PDIA6: variants seen among roughly 807,000 people sequenced by gnomAD.
PDIA6 encodes the protein protein disulfide isomerase family A member 6, also known as protein disulfide-isomerase A6.
In PDIA6, 29 loss-of-function variants were observed where a neutral mutation model predicts 58.4. The ratio of observed to expected loss-of-function variants is 0.50; its 90% confidence interval spans 0.37 to 0.68. The LOEUF (loss-of-function observed/expected upper bound fraction) is 0.68, where lower values mean the gene tolerates loss of function less well. Ranked by LOEUF, PDIA6 falls within the 30% of genes least tolerant of loss-of-function variation. PDIA6 has a pLI of 0.00. For synonymous variants in PDIA6, 192 were observed against 202.6 expected, an observed-to-expected ratio of 0.95 and a Z score of 0.44; for missense variants, 480 against 551.0, an observed-to-expected ratio of 0.87 and a Z score of 1.29.
At chr2:10,814,837 G>A (rs949994607), upstream of PDIA6, among the ~76,000 whole-genome samples, 4 of 152,220 alleles carry the variant, frequency 2.6e-5, no homozygotes, top group Non-Finnish European at 5.9e-5. Flanking sequence ...GGCCTGCTGT[G>A]TTTGGGTAGC....
chr2:10,800,073 A>C (rs933434894), intron 2 of PDIA6, among the ~76,000 whole-genome samples: 3 of 152,220 alleles, frequency 2.0e-5, no homozygotes, highest in Non-Finnish European at 4.4e-5. Context: ...CTCCACAGTC[A>C]ATTATTGTGA....
intron 1 of PDIA6, chr2:10,810,470 C>T: frequency 1.5e-6 from 2 of 1,330,120 alleles, no homozygotes; most frequent in Non-Finnish European, 1.9e-6. Flanking sequence ...AATGTCCTTC[C>T]CTTTCCGTAT....
chr2:10,833,473 A>G (rs1216198703), upstream of PDIA6, among the ~76,000 whole-genome samples: 1 of 152,166 alleles, frequency 6.6e-6, no homozygotes, highest in Non-Finnish European at 1.5e-5. Context: ...TGGGGTAATA[A>G]GCCTCACAGC....
Position 10,783,437 on chromosome 2 carries a change from C to T in PDIA6, c.*821G>A, listed in dbSNP as rs559009388. ...TTTTTAAGTTACAATAAAATGCTCT[C>T]AAGTCCTTTGAATGTTCCAACAAAT... On this transcript the variant is annotated 3_prime_UTR_variant, in exon 13 of 13. Transcript: ENST00000272227. The T allele has an allele frequency of 1.2e-5, 6 of 500,792 alleles. No individual in the cohort carries two copies. The highest frequency in any genetic ancestry group is 2.1e-5 in the Non-Finnish European group (6 of 282,810). 31.0% of individuals were successfully genotyped at this position (500,792 alleles called of 1,614,324 possible). A position where few individuals can be genotyped will look rare whatever the true frequency, so the allele number is the denominator to read the frequency against.
chr2:10,821,927 T>C lies in PDIA6; in HGVS notation c.-47-2573A>G, dbSNP rs551543772. On this transcript the variant is annotated intron_variant, in intron 1 of 13. Coordinates refer to the PDIA6 transcript ENST00000381611. ...GCTTGAGCCACCACACCCAGCCTTA[T>C]ATAAACGATTTTTAAAATTAAAAAA... is the stretch of plus-strand genomic sequence containing the variant. 2.1e-5 allele frequency among the ~76,000 whole-genome samples: 3 copies of C among 144,894 alleles called. No individual in the cohort carries two copies. The South Asian group carries it at 6.9e-4, about 33-fold the overall frequency.
chr2:10,836,982 T>A (rs1667843721), upstream of PDIA6, among the ~76,000 whole-genome samples: 9 of 152,174 alleles, frequency 5.9e-5, no homozygotes, highest in Admixed American at 5.9e-4. Flanking sequence ...TTCTGTTTCA[T>A]TCTCATTCAT....
rs1016435371 is a variant in PDIA6 at position 10,784,977 on chromosome 2, G to C, written c.1211C>G (p.Pro404Arg). 7 of 1,592,312 alleles carry C rather than the reference G, an allele frequency of 4.4e-6. No individual in the cohort carries two copies. The African/African-American group carries it at 9.4e-5, about 21-fold the overall frequency. The change falls in exon 12 of 13, where the codon CCT becomes CGT. Residue 404 changes from proline to arginine, a missense_variant. By Grantham distance (103) the Pro-to-Arg change is moderately radical. Transcript: ENST00000272227. ...STAPVGGGAF[P>R]TIVEREPWDG... ...CCAAGGCTCTCTCTCAACGATGGTA[G>C]GGAAAGCCCCGCCTCCTACAGGTGC...
At chr2:10,816,901 T>C (rs942708628), upstream of PDIA6, among the ~76,000 whole-genome samples, 6 of 152,208 alleles carry the variant, frequency 3.9e-5, no homozygotes, top group African/African-American at 1.2e-4. Context: ...GGCATGTGCT[T>C]GGCACACTAT....
Position 10,790,788 on chromosome 2 carries a change from C to T in PDIA6, c.630G>A (p.Gln210=), listed in dbSNP as rs1394592141. 7 of 1,614,218 alleles carry T rather than the reference C, an allele frequency of 4.3e-6. No homozygotes were observed. Among genetic ancestry groups the T allele is most frequent in the Non-Finnish European group, 5.9e-6 (7 of 1,180,024 alleles). ...WAAAASEVKE[Q]TKGKVKLAAV... ...CTGCCAGTTTCACTTTTCCTTTCGT[C>T]TGCTCTTTTACTTCTGAAGCTGCGG... Residue 210 remains glutamine (Q), a synonymous_variant, in exon 7 of 13, where the codon CAG becomes CAA. Transcript: ENST00000272227.
intron 3 of PDIA6, 56 bp from the exon 4 acceptor site, chr2:10,797,263 A>G (rs567695980): frequency 2.1e-5 from 33 of 1,554,488 alleles, no homozygotes; most frequent in Non-Finnish European, 1.7e-5. Context: ...AGACTCCACA[A>G]GAACTCATTA....
intron 1 of PDIA6, among the ~76,000 whole-genome samples, chr2:10,820,146 G>A (rs1173478745): frequency 6.6e-6 from 1 of 152,218 alleles, no homozygotes; most frequent in Non-Finnish European, 1.5e-5. Flanking sequence ...GTGGACCCAC[G>A]AAGAGTTAGG....
chr2:10,785,718 A>G (rs930049518), intron 11 of PDIA6, among the ~76,000 whole-genome samples: 5 of 152,170 alleles, frequency 3.3e-5, no homozygotes, highest in Non-Finnish European at 7.3e-5. Flanking sequence ...CACAAACTTA[A>G]GCAGTCCACA....
At chr2:10,832,909 C>T (rs1667745868), upstream of PDIA6, among the ~76,000 whole-genome samples, 1 of 152,012 alleles carries the variant, frequency 6.6e-6, no homozygotes, top group African/African-American at 2.4e-5. Flanking sequence ...GAGGCCAGCG[C>T]TGGTCCCACC....
chr2:10,832,322 T>C (rs1269423247), exon 1 of PDIA6: 1 of 735,390 alleles, frequency 1.4e-6, no homozygotes, highest in Non-Finnish European at 1.7e-6. Flanking sequence ...TAAATTGTGT[T>C]CTGCTCACAC....
intron 6 of PDIA6, among the ~76,000 whole-genome samples, chr2:10,791,150 C>CT (rs11347142): frequency 3.1e-3 from 458 of 148,904 alleles, no homozygotes; most frequent in Non-Finnish European, 5.0e-3. Context: ...CTTTTCTTTT[C>CT]TTTTTTTTTT....
exon 1 of PDIA6, chr2:10,837,601 C>T: frequency 2.1e-6 from 2 of 973,264 alleles, no homozygotes; most frequent in Non-Finnish European, 3.2e-6. Context: ...TGTGATTATC[C>T]TCATTTTGCA....
Position 10,791,887 on chromosome 2 carries a change from C to T in PDIA6, c.492G>A (p.Glu164=). The part of the protein sequence containing the change: ...SDSSSKKDVI[E]LTDDSFDKNV... ...TCTTATCAAAGCTGTCGTCTGTCAG[C>T]TCAATCACATCCTTCTTACTTGAAC... Residue 164 remains glutamate (E), a synonymous_variant, in exon 6 of 13, where the codon GAG becomes GAA. Coordinates refer to ENST00000272227, the MANE Select transcript of PDIA6 (RefSeq NM_005742.4). 6.2e-7 allele frequency: 1 copy of T among 1,614,106 alleles called. No homozygotes were observed. Among genetic ancestry groups the T allele is most frequent in the Non-Finnish European group, 8.5e-7 (1 of 1,179,940 alleles).
chr2:10,808,960 C>A (rs548753062), intron 1 of PDIA6, among the ~76,000 whole-genome samples: 1 of 152,110 alleles, frequency 6.6e-6, no homozygotes, highest in African/African-American at 2.4e-5. Flanking sequence ...CAGGCATCAG[C>A]CATCATGCCC....
intron 4 of PDIA6, among the ~76,000 whole-genome samples, chr2:10,796,500 T>TAA (rs79164237): frequency 1.4e-4 from 19 of 132,304 alleles, no homozygotes; most frequent in African/African-American, 2.8e-4. Context: ...CTCTGTCTCT[T>TAA]AAAAAAAAAA....
Sources: allele counts gnomAD v4.1 joint callset (sites outside exome capture counted in the v4.1 genomes callset), GRCh38; gene constraint gnomAD v4.1.1; transcripts MANE v1.5; gene names NCBI Gene and HGNC (gene_info 2026-07-23, HGNC 2026-07-21).